DNAH6: variants seen among roughly 807,000 people sequenced by gnomAD.
DNAH6 encodes the protein dynein axonemal heavy chain 6.
Under a neutral mutation model 491.4 loss-of-function variants are expected in DNAH6, and 340 were observed. The ratio of observed to expected loss-of-function variants is 0.69; its 90% confidence interval spans 0.63 to 0.76. DNAH6 has a LOEUF of 0.76. Among genes scored for constraint, DNAH6 ranks in the 30% least tolerant of loss-of-function variants. The pLI is 0.00. For synonymous variants in DNAH6, 1,603 were observed against 1,686.1 expected, an observed-to-expected ratio of 0.95 and a Z score of 1.21; for missense variants, 4,443 against 4,972.2, an observed-to-expected ratio of 0.89 and a Z score of 3.20.
chr2:84,782,001 G>A (rs1300716823), intron 65 of DNAH6, among the ~76,000 whole-genome samples: 2 of 152,170 alleles, frequency 1.3e-5, no homozygotes, highest in East Asian at 3.8e-4. Context: ...AATGAGAAAT[G>A]TAAAGGAACA....
chr2:84,734,820 T>C (rs903471762), intron 62 of DNAH6, among the ~76,000 whole-genome samples: 5 of 152,218 alleles, frequency 3.3e-5, no homozygotes, highest in African/African-American at 1.2e-4. Flanking sequence ...AAGTTCTTAG[T>C]AATTGTTCCT....
intron 72 of DNAH6, among the ~76,000 whole-genome samples, chr2:84,811,667 C>T (rs542132848): frequency 6.5e-4 from 99 of 152,232 alleles, no homozygotes; most frequent in African/African-American, 2.2e-3. Flanking sequence ...TCGAGACCAG[C>T]CTGGCCAACA....
chr2:84,745,014 A>G (rs1672832431), intron 62 of DNAH6, 66 bp from the exon 63 acceptor site: 1 of 1,095,316 alleles, frequency 9.1e-7, no homozygotes, highest in Non-Finnish European at 1.3e-6. Context: ...TAAATTACCA[A>G]ACATTATTTA....
chr2:84,686,420 A>G (rs2104756501), intron 43 of DNAH6, 64 bp from the exon 44 acceptor site: 1 of 927,296 alleles, frequency 1.1e-6, no homozygotes, highest in Non-Finnish European at 1.7e-6. Context: ...TATATGTTTT[A>G]TCACTAAAAT....
chr2:84,525,281 T>A (rs1386154311), intron 2 of DNAH6, among the ~76,000 whole-genome samples: 1 of 152,076 alleles, frequency 6.6e-6, no homozygotes, highest in African/African-American at 2.4e-5. Context: ...TTAGGGAGTA[T>A]ATGATTTCAT....
chr2:84,529,121 C>T lies in DNAH6; in HGVS notation c.617C>T (p.Pro206Leu). Residue 206 changes from proline to leucine, a missense_variant, in exon 4 of 77, where the codon CCT becomes CTT. By Grantham distance (98) the Pro-to-Leu change is moderately conservative. Around this residue, in one of 3 missense-constraint regions of DNAH6, gnomAD observed 2,977 missense variants for 3,296.6 expected, o/e 0.90. Transcript: ENST00000389394. ...CATCTTGGATTTCTTTATATGATCCCTGCAGTGCCAAGATCATCCATTGAA... is the reference window on the plus strand; with the variant it reads ...CATCTTGGATTTCTTTATATGATCCTTGCAGTGCCAAGATCATCCATTGAA... ...NEHLGFLYMI[P>L]AVPRSSIEYD... The T allele has an allele frequency of 6.5e-7, 1 of 1,550,018 alleles. No individual in the cohort carries two copies.
chr2:84,634,662 C>A (rs115232623), intron 30 of DNAH6, 21 bp downstream of exon 30: 69,668 of 1,484,586 alleles, frequency 0.047, 1,900 homozygotes, highest in Non-Finnish European at 0.053. Flanking sequence ...GGGCAATCGA[C>A]TTTCAAGGTA....
At chr2:84,674,593 A>G (rs1053543823) in intron 40 of DNAH6, among the ~76,000 whole-genome samples, 9 of 152,192 alleles carry the variant, frequency 5.9e-5, no homozygotes, top group African/African-American at 1.7e-4. Context: ...AGATGAACGC[A>G]TATTCAGTTC....
chr2:84,680,371 G>C (rs563646386), intron 41 of DNAH6, among the ~76,000 whole-genome samples: 2 of 152,242 alleles, frequency 1.3e-5, no homozygotes, highest in African/African-American at 4.8e-5. Context: ...GCGGGTCAAG[G>C]ACTAGCTAAT....
At chr2:84,706,644 A>C (rs1356572601) in intron 52 of DNAH6, among the ~76,000 whole-genome samples, 2 of 152,174 alleles carry the variant, frequency 1.3e-5, no homozygotes, top group Non-Finnish European at 2.9e-5. Context: ...TTCATCCCAA[A>C]TGCTCAGTAC....
chr2:84,694,231 C>T lies in DNAH6; in HGVS notation c.7293-18C>T, dbSNP rs747174117. ...TGTCTGTGAACTTGAAATAAACCCTCTGCTCTGATGTTTGCAGGATTGCTC... is the reference window on the plus strand; with the variant it reads ...TGTCTGTGAACTTGAAATAAACCCTTTGCTCTGATGTTTGCAGGATTGCTC... On this transcript the variant is annotated intron_variant, in intron 45 of 76. Coordinates refer to ENST00000389394, the MANE Select transcript of DNAH6 (RefSeq NM_001370.2). 3.2e-6 allele frequency: 5 copies of T among 1,548,700 alleles called. No homozygotes were observed. The East Asian group carries it at 1.2e-4, about 38-fold the overall frequency.
At chr2:84,514,088 G>A (rs1344814208), upstream of DNAH6, among the ~76,000 whole-genome samples, 1 of 152,116 alleles carries the variant, frequency 6.6e-6, no homozygotes, top group East Asian at 1.9e-4. Flanking sequence ...GAAGCTATAT[G>A]TTCTTTGTAT....
chr2:84,746,059 AAC>A (rs1672953633), intron 63 of DNAH6, among the ~76,000 whole-genome samples: 1 of 152,232 alleles, frequency 6.6e-6, no homozygotes, highest in Admixed American at 6.5e-5. Context: ...TAGTTGTGCC[AAC>A]AACTAAGCAA....
chr2:84,683,698 C>T (rs1694025212), intron 42 of DNAH6, among the ~76,000 whole-genome samples: 1 of 152,096 alleles, frequency 6.6e-6, no homozygotes, highest in Non-Finnish European at 1.5e-5. Context: ...GCTGGGATTA[C>T]AGGTGTGAGC....
intron 16 of DNAH6, among the ~76,000 whole-genome samples, chr2:84,589,933 A>G (rs1340610073): frequency 3.3e-5 from 5 of 152,070 alleles, no homozygotes; most frequent in Non-Finnish European, 5.9e-5. Context: ...TCTCGGAGGA[A>G]CATGCTTGAA....
the DNAH6 span, among the ~76,000 whole-genome samples, chr2:84,472,008 ATTCT>A: frequency 6.3e-3 from 957 of 151,878 alleles, 7 homozygotes; most frequent in African/African-American, 0.022. Flanking sequence ...TCCCCATATA[ATTCT>A]TTCCTCTTTC....
chr2:84,743,942 C>A lies in DNAH6; in HGVS notation c.10343-1138C>A, dbSNP rs904499452. Among the ~76,000 whole-genome samples, 3 of 152,224 alleles carry A rather than the reference C, an allele frequency of 2.0e-5. No homozygotes were observed. In the East Asian group the frequency reaches 5.8e-4, roughly 29 times the overall value. The stretch of plus-strand genomic sequence containing the variant: ...TACACAATAAATAATGAGAACCTCA[C>A]TGGAAAAGGAGTCCTTTTGCAATAC... On this transcript the variant is annotated intron_variant, in intron 62 of 76. Transcript: ENST00000389394.
At chr2:84,751,957 C>G (rs927056296) in intron 63 of DNAH6, among the ~76,000 whole-genome samples, 4 of 152,208 alleles carry the variant, frequency 2.6e-5, no homozygotes, top group African/African-American at 9.6e-5. Flanking sequence ...TAAGGAGAAA[C>G]TGTTTTCAAA....
chr2:84,603,408 C>T (rs376322616), intron 18 of DNAH6, among the ~76,000 whole-genome samples: 7 of 152,074 alleles, frequency 4.6e-5, no homozygotes, highest in African/African-American at 1.7e-4. Flanking sequence ...AGGTTATTTT[C>T]TCAATTTCTA....
Sources: gnomAD v4.1 joint callset for allele counts (sites outside exome capture counted in the v4.1 genomes callset) on GRCh38, gnomAD v4.1.1 for gene constraint, gnomAD v4.1.1 regional missense constraint, MANE v1.5 for transcripts, NCBI Gene and HGNC (gene_info 2026-07-23, HGNC 2026-07-21) for gene names.